Variants in MARCHF3 observed in about 807,000 individuals in gnomAD.
MARCHF3 encodes membrane associated ring-CH-type finger 3.
Under a neutral mutation model 24.2 loss-of-function variants are expected in MARCHF3, and 13 were observed. That is an observed-to-expected ratio of 0.54 (90% CI 0.35 to 0.85). MARCHF3 has a LOEUF of 0.85. Ranked by LOEUF, MARCHF3 falls within the 40% of genes least tolerant of loss-of-function variation. MARCHF3 has a pLI of 0.01. For missense variants in MARCHF3, 276 were observed against 325.0 expected (o/e 0.85, Z 1.16); for synonymous variants, 144 against 137.3 (o/e 1.05, Z -0.34).
chr5:126,986,127 C>T (rs959382203), intron 1 of MARCHF3, among the ~76,000 whole-genome samples: 1 of 152,098 alleles, frequency 6.6e-6, no homozygotes, highest in Non-Finnish European at 1.5e-5. Context: ...AAATAAAGAG[C>T]GCAGAAGTAG....
intron 1 of MARCHF3, among the ~76,000 whole-genome samples, chr5:126,967,683 G>A (rs1213158412): frequency 6.6e-6 from 1 of 152,152 alleles, no homozygotes; most frequent in Non-Finnish European, 1.5e-5. Context: ...ACAAGAGCAA[G>A]ACTCTGTCTC....
chr5:126,924,195 C>T (rs2126799557), intron 1 of MARCHF3, among the ~76,000 whole-genome samples: 1 of 152,338 alleles, frequency 6.6e-6, no homozygotes, highest in South Asian at 2.1e-4. Context: ...CACCGAAGAA[C>T]TGAGAATGGC....
chr5:126,881,868 C>T (rs1413615095), intron 3 of MARCHF3, among the ~76,000 whole-genome samples: 1 of 152,082 alleles, frequency 6.6e-6, no homozygotes, highest in African/African-American at 2.4e-5. Context: ...GAGAGACAGA[C>T]ACACAGAGTG....
rs554752278 is a variant in MARCHF3, at chr5:127,002,778, C to T, written c.-57+27572G>A. 1.5e-4 allele frequency among the ~76,000 whole-genome samples: 23 copies of T among 152,328 alleles called. No homozygotes were observed. The East Asian group carries it at 3.1e-3, about 20-fold the overall frequency. On this transcript the variant is annotated intron_variant, in intron 1 of 4. Coordinates refer to ENST00000308660, the MANE Select transcript of MARCHF3 (RefSeq NM_178450.5). ...ATTAGCATCCCTTTGACATGTTTAA[C>T]GTACCCAGATTCCAACCCCTTCTTG...
intron 3 of MARCHF3, among the ~76,000 whole-genome samples, chr5:126,882,971 A>G (rs1753389693): frequency 6.6e-6 from 1 of 152,216 alleles, no homozygotes; most frequent in Non-Finnish European, 1.5e-5. Context: ...CCATTCTACT[A>G]TATCATAATT....
At chr5:127,019,947 C>G (rs1752741450) in intron 1 of MARCHF3, among the ~76,000 whole-genome samples, 1 of 152,156 alleles carries the variant, frequency 6.6e-6, no homozygotes, top group African/African-American at 2.4e-5. Context: ...CCAGTGATCT[C>G]AAGAATCCTG....
At position 127,001,038 on chromosome 5, in the gene MARCHF3, G is replaced by C. The variant is rs191736183; in HGVS notation, c.-57+29312C>G. 5.2e-4 allele frequency among the ~76,000 whole-genome samples: 79 copies of C among 152,204 alleles called. 1 individual carries two copies. The highest frequency in any genetic ancestry group is 1.9e-3 in the African/African-American group (78 of 41,560). ...GCAGATCATGAGGTCAGAAGTTTGA[G>C]ACCAGCCTGATCAACATGGTGAAAC... On this transcript the variant is annotated intron_variant, in intron 1 of 4. Transcript: ENST00000308660.
chr5:127,011,128 T>C (rs527917652), intron 1 of MARCHF3, among the ~76,000 whole-genome samples: 22 of 152,318 alleles, frequency 1.4e-4, no homozygotes, highest in Admixed American at 3.3e-4. Context: ...ATACCCTGCA[T>C]GAAATAATCC....
intron 3 of MARCHF3, among the ~76,000 whole-genome samples, chr5:126,888,183 CA>C (rs1426374867): frequency 1.3e-5 from 2 of 152,162 alleles, no homozygotes; most frequent in Non-Finnish European, 2.9e-5. Context: ...CCATTAAATA[CA>C]GTAATTTTTG....
At chr5:126,871,101 G>C (rs961452237) in intron 4 of MARCHF3, among the ~76,000 whole-genome samples, 1 of 152,072 alleles carries the variant, frequency 6.6e-6, no homozygotes, top group Admixed American at 6.5e-5. Flanking sequence ...ATTTATTTTC[G>C]GACTAGTGGT....
rs1401300285 is a variant in MARCHF3 at position 126,992,654 on chromosome 5, G to C, written c.-57+37696C>G. Among the ~76,000 whole-genome samples the C allele has an allele frequency of 3.3e-5, 5 of 151,826 alleles. No homozygotes were observed. The East Asian group carries it at 7.8e-4, about 24-fold the overall frequency. On this transcript the variant is annotated intron_variant, in intron 1 of 4. Coordinates refer to ENST00000308660, the MANE Select transcript of MARCHF3 (RefSeq NM_178450.5). ...GGGTTCCTGGAGGTTACTGGCTTGA[G>C]TTTTAGGTCAGGGTGCTGATACGAT...
intron 1 of MARCHF3, among the ~76,000 whole-genome samples, chr5:126,950,624 C>A (rs1464461161): frequency 1.3e-5 from 2 of 152,180 alleles, no homozygotes; most frequent in Non-Finnish European, 2.9e-5. Flanking sequence ...TCCCTCTACA[C>A]ACTTATCCAC....
chr5:127,017,181 G>A (rs1752662508), intron 1 of MARCHF3, among the ~76,000 whole-genome samples: 1 of 152,130 alleles, frequency 6.6e-6, no homozygotes, highest in South Asian at 2.1e-4. Flanking sequence ...GTTGATGGGT[G>A]CAGCAAACCA....
intron 2 of MARCHF3, 33 bp from the exon 3 acceptor site, chr5:126,915,167 T>G (rs1754683016): frequency 2.5e-6 from 4 of 1,604,660 alleles, no homozygotes; most frequent in Non-Finnish European, 3.4e-6. Flanking sequence ...TGCTGGTCAC[T>G]GGGCTGGAAA....
At chr5:126,996,255 T>C (rs1751944939) in intron 1 of MARCHF3, among the ~76,000 whole-genome samples, 1 of 152,124 alleles carries the variant, frequency 6.6e-6, no homozygotes, top group Admixed American at 6.5e-5. Flanking sequence ...GAGAAAGTGC[T>C]CCAAATGTTG....
chr5:126,989,602 C>G (rs1441959562), intron 1 of MARCHF3, among the ~76,000 whole-genome samples: 1 of 152,112 alleles, frequency 6.6e-6, no homozygotes, highest in Non-Finnish European at 1.5e-5. Context: ...GGCACAGATT[C>G]ATCTTAACAC....
At chr5:126,991,286 A>T (rs914628404) in intron 1 of MARCHF3, among the ~76,000 whole-genome samples, 1 of 152,162 alleles carries the variant, frequency 6.6e-6, no homozygotes, top group Admixed American at 6.5e-5. Flanking sequence ...TTCTCAGCAA[A>T]CTATCACAAG....
At position 126,977,025 on chromosome 5, in the gene MARCHF3, G is replaced by T. The variant is rs994769352; in HGVS notation, c.-57+53325C>A. ...ATGCCCTGCTATCAGGCCACATTTG[G>T]AGGCACAGGTTTTATCAGTTTTGGC... On this transcript the variant is annotated intron_variant, in intron 1 of 4. Transcript: ENST00000308660. Among the ~76,000 whole-genome samples the T allele has an allele frequency of 2.6e-5, 4 of 152,248 alleles. No individual in the cohort carries two copies. The East Asian group carries it at 5.8e-4, about 22-fold the overall frequency.
intron 4 of MARCHF3, among the ~76,000 whole-genome samples, chr5:126,875,398 A>G (rs1445702981): frequency 1.3e-5 from 2 of 152,238 alleles, no homozygotes; most frequent in African/African-American, 4.8e-5. Flanking sequence ...CCTTCTTCAC[A>G]GTACCAGGGA....
Sources: gnomAD v4.1 joint callset for allele counts (sites outside exome capture counted in the v4.1 genomes callset) on GRCh38, gnomAD v4.1.1 for gene constraint, MANE v1.5 for transcripts, NCBI Gene and HGNC (gene_info 2026-07-23, HGNC 2026-07-21) for gene names.